IZUMO4: variants seen among roughly 807,000 people sequenced by gnomAD.
The protein encoded by IZUMO4 is izumo sperm-egg fusion protein 4.
In IZUMO4, 51 loss-of-function variants were observed where a neutral mutation model predicts 37.1. The observed-to-expected ratio is 1.38, with a 90% CI of 1.10 to 1.74. The LOEUF is 1.74. Among genes scored for constraint, IZUMO4 ranks in the 40% most tolerant of loss-of-function variants. The pLI, the probability that IZUMO4 is intolerant of heterozygous loss-of-function variation, is 0.00. For synonymous variants in IZUMO4, 162 were observed against 121.4 expected (o/e 1.33, Z -2.20); for missense variants, 364 against 299.6 (o/e 1.21, Z -1.59).
Position 2,097,038 on chromosome 19 carries a change from C to G in IZUMO4, c.93C>G (p.Phe31Leu), listed in dbSNP as rs779604148. Residue 31 changes from phenylalanine to leucine, a missense_variant, in exon 1 of 10, where the codon TTC becomes TTG. Transcript: ENST00000395301. ...GCAACTTCTCCAAGAAGTTCTCCTT[C>G]TACCGCCACCATGTGAACTTCAAGT... ...CHSNFSKKFS[F>L]YRHHVNFKSW... is the part of the protein sequence containing the mutation. 3.1e-6 allele frequency: 5 copies of G among 1,612,614 alleles called. No homozygotes were observed. Among genetic ancestry groups the G allele is most frequent in the Non-Finnish European group, 4.2e-6 (5 of 1,179,924 alleles).
intron 8 of IZUMO4, 50 bp from the exon 9 acceptor site, chr19:2,098,926 T>C (rs780259379): frequency 2.5e-6 from 4 of 1,600,284 alleles, no homozygotes; most frequent in Non-Finnish European, 2.6e-6. Flanking sequence ...CTGGGACACC[T>C]GCTGGATGTC....
Position 2,097,941 on chromosome 19 carries a change from G to A in IZUMO4, c.383G>A (p.Cys128Tyr), listed in dbSNP as rs1285021660. Reference protein sequence around the residue: ...QNAIIESRIDCQHRCGIFQYE... With the variant: ...QNAIIESRIDYQHRCGIFQYE... ...TGCCCTCCCACAGGCCGCATCGACT[G>A]TCAGCACCGCTGTGGTAAGCAAGGC... Residue 128 changes from cysteine (C) to tyrosine (Y), a missense_variant, in exon 4 of 10, where the codon TGT (cysteine) becomes TAT (tyrosine). Coordinates refer to ENST00000395301, the MANE Select transcript of IZUMO4 (RefSeq NM_001039846.2). 1 of 1,613,178 alleles carries A rather than the reference G, an allele frequency of 6.2e-7. No homozygotes were observed.
chr19:2,099,195 C>T, intron 9 of IZUMO4, 60 bp from the exon 10 acceptor site: 8 of 1,534,026 alleles, frequency 5.2e-6, no homozygotes, highest in South Asian at 1.1e-5. Context: ...CTGGGGCCCC[C>T]AGGGAGGGAG....
At chr19:2,098,753 A>G (rs2017800900) in intron 7 of IZUMO4, 34 bp from the exon 8 acceptor site, 7 of 1,605,136 alleles carry the variant, frequency 4.4e-6, no homozygotes, top group Non-Finnish European at 5.1e-6. Context: ...GGGGTGCCCC[A>G]TGGAGGGGCT....
Position 2,098,259 on chromosome 19 carries a change from G to A in IZUMO4, c.474-28G>A, listed in dbSNP as rs146646175. 213 of 1,613,442 alleles carry A rather than the reference G, an allele frequency of 1.3e-4. No homozygotes were observed. The East Asian group carries it at 4.3e-3, about 32-fold the overall frequency. ...AGGGCGGGGCCGTGGGTTCAGGGGC[G>A]CACCACTTCCAAGCCTGTGTCCCAC... On this transcript the variant is annotated intron_variant, in intron 5 of 9. Coordinates refer to ENST00000395301, the MANE Select transcript of IZUMO4 (RefSeq NM_001039846.2).
chr19:2,098,366 A>T, intron 6 of IZUMO4, 32 bp downstream of exon 6: 1 of 1,612,868 alleles, frequency 6.2e-7, no homozygotes, highest in Non-Finnish European at 8.5e-7. Context: ...CAGCAAGCTC[A>T]CCTGGGCCTG....
chr19:2,099,016 G>A lies in IZUMO4; in HGVS notation c.595G>A (p.Ala199Thr), dbSNP rs763976044. 31 of 1,612,986 alleles carry A rather than the reference G, an allele frequency of 1.9e-5. No individual in the cohort carries two copies. Among genetic ancestry groups the A allele is most frequent in the Middle Eastern group, 1.6e-4 (1 of 6,080 alleles). Residue 199 changes from alanine (A) to threonine (T), a missense_variant, in exon 9 of 10, where the codon GCC becomes ACC. By Grantham distance (58) the Ala-to-Thr change is moderately conservative. Transcript: ENST00000395301. Reference protein sequence around the residue: ...SAFSWPGTHRATPAFLVSPAL... With the variant: ...SAFSWPGTHRTTPAFLVSPAL... The stretch of plus-strand genomic sequence containing the variant: ...CTTCTCCTGGCCTGGGACACACAGA[G>A]CCACCCCGGCCTTGTGAGTGACCCA...
At position 2,097,496 on chromosome 19, in the gene IZUMO4, G is replaced by C. The variant is rs747645524; in HGVS notation, c.370+1G>C. 1 of 1,612,770 alleles carries C rather than the reference G, an allele frequency of 6.2e-7. No individual in the cohort carries two copies. Among genetic ancestry groups the C allele is most frequent in the Admixed American group, 1.7e-5 (1 of 60,020 alleles). On this transcript the variant is annotated splice_donor_variant, in intron 3 of 9. Transcript: ENST00000395301. LOFTEE classifies it high-confidence loss of function. The stretch of plus-strand genomic sequence containing the variant: ...CTCATCCAGAACGCCATCATCGAAA[G>C]TGAGCAAATAAGGCTTCAGAGGAGG...
intron 7 of IZUMO4, 35 bp from the exon 8 acceptor site, chr19:2,098,752 C>CCG: frequency 6.2e-7 from 1 of 1,605,268 alleles, no homozygotes. Context: ...AGGGGTGCCC[C>CCG]ATGGAGGGGC....
chr19:2,097,670 C>A, intron 3 of IZUMO4, 175 bp downstream of exon 3: 1 of 718,506 alleles, frequency 1.4e-6, no homozygotes, highest in East Asian at 2.6e-5. Context: ...TGCCATCACC[C>A]CGCGGGGACC....
chr19:2,097,565 G>A, intron 3 of IZUMO4, 70 bp downstream of exon 3: 3 of 1,371,396 alleles, frequency 2.2e-6, no homozygotes, highest in South Asian at 1.2e-5. Context: ...GCTTGGCTGA[G>A]GCTGGAGTGA....
Position 2,099,423 on chromosome 19 carries a change from GGCT to G in IZUMO4, c.*87_*89del. 13 of 1,086,548 alleles carry G rather than the reference GGCT, an allele frequency of 1.2e-5. No homozygotes were observed. Among genetic ancestry groups the G allele is most frequent in the Non-Finnish European group, 2.7e-6 (2 of 728,252 alleles). The allele number at this position is 1,086,548 out of a possible 1,614,324, so 67.3% of individuals were successfully genotyped here. A position where few individuals can be genotyped will look rare whatever the true frequency, so the allele number is the denominator to read the frequency against. The stretch of plus-strand genomic sequence containing the variant: ...GCCCCTGCCTGTCACTCTGGAGCTG[GGCT>G]GCTGCTGCCTCAGGACCCCCTCTCC... On this transcript the variant is annotated 3_prime_UTR_variant, in exon 10 of 10. Transcript: ENST00000395301.
In IZUMO4 at chr19:2,096,974, T is replaced by G; in HGVS notation, c.29T>G (p.Leu10Arg). 6.2e-7 allele frequency: 1 copy of G among 1,608,396 alleles called. No homozygotes were observed. The highest frequency in any genetic ancestry group is 8.5e-7 in the Non-Finnish European group (1 of 1,179,740). The change falls in exon 1 of 10, where the codon CTG (leucine) becomes CGG (arginine). Residue 10 changes from leucine to arginine, a missense_variant. Transcript: ENST00000395301. Reference sequence around the variant, plus strand: ...GCCCTGCTGCTGTGCCTGGTGTGCCTGACGGCGGCGCTGGCCCACGGCTGT... The same window carrying G: ...GCCCTGCTGCTGTGCCTGGTGTGCCGGACGGCGGCGCTGGCCCACGGCTGT... MALLLCLVC[L>R]TAALAHGCLH...
chr19:2,098,826 CT>C (rs1433396615), intron 8 of IZUMO4, 22 bp downstream of exon 8: 1 of 1,585,110 alleles, frequency 6.3e-7, no homozygotes, highest in African/African-American at 1.4e-5. Flanking sequence ...CTGACCTGGA[CT>C]TCAGGGGGAG....
rs1397516565 is a variant in IZUMO4, at chr19:2,099,366, G to A, written c.*21G>A. On this transcript the variant is annotated 3_prime_UTR_variant, in exon 10 of 10. Transcript: ENST00000395301. ...ACTGACAGCAGCTGGGCCTGCCCCAGGGCAACGTGGGGGCGGAGACTCAGC... is the reference window on the plus strand; with the variant it reads ...ACTGACAGCAGCTGGGCCTGCCCCAAGGCAACGTGGGGGCGGAGACTCAGC... 1 of 1,549,634 alleles carries A rather than the reference G, an allele frequency of 6.5e-7. No homozygotes were observed. Among genetic ancestry groups the A allele is most frequent in the Non-Finnish European group, 8.8e-7 (1 of 1,131,238 alleles).
chr19:2,097,645 C>T (rs369840066), intron 3 of IZUMO4, 150 bp downstream of exon 3: 2 of 791,872 alleles, frequency 2.5e-6, no homozygotes, highest in South Asian at 1.5e-5. Context: ...CCCAGCCTAG[C>T]ACCTGAAGGA....
chr19:2,098,984 C>T lies in IZUMO4; in HGVS notation c.563C>T (p.Ser188Phe), dbSNP rs1459342608. 5.0e-6 allele frequency: 8 copies of T among 1,613,060 alleles called. No homozygotes were observed. Among genetic ancestry groups the T allele is most frequent in the Non-Finnish European group, 6.8e-6 (8 of 1,179,988 alleles). Residue 188 changes from serine (S) to phenylalanine (F), a missense_variant, in exon 9 of 10, where the codon TCC (serine) becomes TTC (phenylalanine). By Grantham distance (155) the Ser-to-Phe change is radical. Transcript: ENST00000395301. Reference sequence around the variant, plus strand: ...GGTGGTTTCATGAACAGACCACGCTCCTCTGCCTTCTCCTGGCCTGGGACA... The same window carrying T: ...GGTGGTTTCATGAACAGACCACGCTTCTCTGCCTTCTCCTGGCCTGGGACA... ...HKQDTSMRPRSSAFSWPGTHR... is the reference protein window; with the variant it reads ...HKQDTSMRPRFSAFSWPGTHR...
At position 2,097,239 on chromosome 19, in the gene IZUMO4, C is replaced by G. The variant is rs745737136; in HGVS notation, c.218-13C>G. 1 of 1,611,302 alleles carries G rather than the reference C, an allele frequency of 6.2e-7. No homozygotes were observed. The highest frequency in any genetic ancestry group is 8.5e-7 in the Non-Finnish European group (1 of 1,178,998). On this transcript the variant is annotated splice_polypyrimidine_tract_variant and intron_variant, in intron 1 of 9. Coordinates refer to ENST00000395301, the MANE Select transcript of IZUMO4 (RefSeq NM_001039846.2). ...GGGCAGGCCGGTCACCTGGCTTCTCCTCCTGCCCGCAGCCCGGGAGAAGCT... is the reference window on the plus strand; with the variant it reads ...GGGCAGGCCGGTCACCTGGCTTCTCGTCCTGCCCGCAGCCCGGGAGAAGCT...
At position 2,097,072 on chromosome 19, in the gene IZUMO4, G is replaced by T. The variant is rs759722563; in HGVS notation, c.127G>T (p.Val43Leu). 1 of 1,612,868 alleles carries T rather than the reference G, an allele frequency of 6.2e-7. No individual in the cohort carries two copies. Among genetic ancestry groups the T allele is most frequent in the East Asian group, 2.2e-5 (1 of 44,882 alleles). Residue 43 changes from valine to leucine, a missense_variant, in exon 1 of 10, where the codon GTG becomes TTG. Physicochemically the swap from Val to Leu is conservative, Grantham distance 32. Coordinates refer to ENST00000395301, the MANE Select transcript of IZUMO4 (RefSeq NM_001039846.2). Reference protein sequence around the residue: ...RHHVNFKSWWVGDIPVSGALL... With the variant: ...RHHVNFKSWWLGDIPVSGALL... ...CCATGTGAACTTCAAGTCCTGGTGG[G>T]TGGGCGACATCCCCGTGTCAGGGGC...
Sources: gnomAD v4.1 joint callset for allele counts on GRCh38, gnomAD v4.1.1 for gene constraint, MANE v1.5 for transcripts, NCBI Gene and HGNC (gene_info 2026-07-23, HGNC 2026-07-21) for gene names.